The following RPS6KA1 variants were observed in gnomAD, a reference collection of about 807,000 sequenced individuals.
RPS6KA1 encodes the protein ribosomal protein S6 kinase A1.
Under a neutral mutation model 91.3 loss-of-function variants are expected in RPS6KA1, and 48 were observed. The ratio of observed to expected loss-of-function variants is 0.53; its 90% confidence interval spans 0.42 to 0.67. RPS6KA1 has a LOEUF of 0.67. Among genes scored for constraint, RPS6KA1 ranks in the 30% least tolerant of loss-of-function variants. The probability of loss-of-function intolerance (pLI) is 0.00; values close to 1 mark genes in which losing one functional copy is unlikely to be tolerated. For synonymous variants in RPS6KA1, 359 were observed against 384.7 expected (o/e 0.93, Z 0.78); for missense variants, 719 against 960.5 (o/e 0.75, Z 3.32).
chr1:26,545,974 C>T (rs966854408), intron 2 of RPS6KA1: 1 of 1,608,134 alleles, frequency 6.2e-7, no homozygotes, highest in Non-Finnish European at 8.5e-7. Context: ...AAGCAGCGGC[C>T]CAGGATCAGC....
chr1:26,560,762 T>C lies in RPS6KA1; in HGVS notation c.1252T>C (p.Tyr418His). 6.2e-7 allele frequency: 1 copy of C among 1,614,236 alleles called. No homozygotes were observed. Among genetic ancestry groups the C allele is most frequent in the Non-Finnish European group, 8.5e-7 (1 of 1,180,036 alleles). Residue 418 changes from tyrosine (Y) to histidine (H), a missense_variant, in exon 15 of 22, where the codon TAC becomes CAC. Coordinates refer to ENST00000374168, the MANE Select transcript of RPS6KA1 (RefSeq NM_002953.4). The part of the protein sequence containing the change: ...HGKNLVFSDG[Y>H]VVKETIGVGS... ...GAAGAACCTGGTTTTTAGTGACGGC[T>C]ACGTGGTAAAGGAGACAATTGGTGT...
At chr1:26,553,720 T>A in intron 7 of RPS6KA1, 1 of 317,428 alleles carries the variant, frequency 3.2e-6, no homozygotes, top group Admixed American at 4.7e-5. Flanking sequence ...GTTGCCCGTC[T>A]TTTTTTGCTA....
At chr1:26,568,809 G>A (rs1223738637) in intron 17 of RPS6KA1, among the ~76,000 whole-genome samples, 1 of 152,182 alleles carries the variant, frequency 6.6e-6, no homozygotes, top group Non-Finnish European at 1.5e-5. Context: ...TCCCAGTAGT[G>A]TCATGTGTGC....
Position 26,555,261 on chromosome 1 carries a change from A to C in RPS6KA1, c.827+40A>C. Reference sequence around the variant, plus strand: ...TGCCCTGATAACAATGGACTCCTCCAAGCCCCAGCCCCAGTTTGGGGGTCA... The same window carrying C: ...TGCCCTGATAACAATGGACTCCTCCCAGCCCCAGCCCCAGTTTGGGGGTCA... On this transcript the variant is annotated intron_variant, in intron 10 of 21. Coordinates refer to ENST00000374168, the MANE Select transcript of RPS6KA1 (RefSeq NM_002953.4). The surrounding 1 kb of genome is among the most constrained non-coding windows in gnomAD (Gnocchi z 4.3). 6.3e-7 allele frequency: 1 copy of C among 1,597,418 alleles called. No homozygotes were observed. The highest frequency in any genetic ancestry group is 8.6e-7 in the Non-Finnish European group (1 of 1,165,170).
chr1:26,551,317 A>C lies in RPS6KA1; in HGVS notation c.308-80A>C. On this transcript the variant is annotated intron_variant, in intron 4 of 21. Transcript: ENST00000374168. This position sits in a 1 kb window ranked among gnomAD's most constrained non-coding sequence, Gnocchi z 4.5. ...CTCAGGCCTGGAGGAACAAGTGGAA[A>C]AGAGATCCCTTAGCGGGGGCTTGGG... 1 of 1,278,322 alleles carries C rather than the reference A, an allele frequency of 7.8e-7. No homozygotes were observed. The highest frequency in any genetic ancestry group is 1.1e-6 in the Non-Finnish European group (1 of 881,436). 79.2% of individuals were successfully genotyped at this position (1,278,322 alleles called of 1,614,324 possible). A position where few individuals can be genotyped will look rare whatever the true frequency, so the allele number is the denominator to read the frequency against.
rs1213519138 is a variant in RPS6KA1, at chr1:26,540,366, C to T, written c.108+3397C>T. 6.6e-6 allele frequency among the ~76,000 whole-genome samples: 1 copy of T among 152,214 alleles called. No individual in the cohort carries two copies. The highest frequency in any genetic ancestry group is 1.5e-5 in the Non-Finnish European group (1 of 68,046). ...TGACTTCCCACTCTACCCTCCTGGC[C>T]TTAAGCCCCTTGGTCACACAGGTCT... On this transcript the variant is annotated intron_variant, in intron 2 of 21. Coordinates refer to ENST00000374168, the MANE Select transcript of RPS6KA1 (RefSeq NM_002953.4). This position sits in a 1 kb window ranked among gnomAD's most constrained non-coding sequence, Gnocchi z 4.2.
At chr1:26,538,198 C>T (rs945659915) in intron 2 of RPS6KA1, among the ~76,000 whole-genome samples, 1 of 152,138 alleles carries the variant, frequency 6.6e-6, no homozygotes, top group African/African-American at 2.4e-5. Flanking sequence ...GTGGACTGGG[C>T]CCCTTGGTTT....
intron 17 of RPS6KA1, among the ~76,000 whole-genome samples, chr1:26,568,862 G>C (rs1434122142): frequency 6.6e-6 from 1 of 152,062 alleles, no homozygotes; most frequent in Non-Finnish European, 1.5e-5. Flanking sequence ...TCAGAACTGG[G>C]TTCTGGTCTT....
Position 26,551,868 on chromosome 1 carries a change from A to T in RPS6KA1, c.468+145A>T. 1.4e-6 allele frequency: 1 copy of T among 694,752 alleles called. No individual in the cohort carries two copies. Among genetic ancestry groups the T allele is most frequent in the Non-Finnish European group, 2.5e-6 (1 of 393,458 alleles). The allele number at this position is 694,752 out of a possible 1,614,324, so 43.0% of individuals were successfully genotyped here. ...CTGCCTAGCAGCCCCTGGCCCAGGA[A>T]ATACCACGCACCCTGGAATGGAGGC... On this transcript the variant is annotated intron_variant, in intron 6 of 21. Transcript: ENST00000374168. The surrounding 1 kb of genome is among the most constrained non-coding windows in gnomAD (Gnocchi z 4.5).
chr1:26,548,322 G>A (rs750561452), intron 4 of RPS6KA1, among the ~76,000 whole-genome samples: 17 of 151,934 alleles, frequency 1.1e-4, no homozygotes, highest in Admixed American at 7.2e-4. Context: ...GATATCCGAC[G>A]CGCTGGGGAG....
rs371410357 is a variant in RPS6KA1, at chr1:26,539,292, G to C, written c.108+2323G>C. On this transcript the variant is annotated intron_variant, in intron 2 of 21. Transcript: ENST00000374168. ...CATGGTCATTGCCGTGCATGGCCGA[G>C]GAAGAAGAGTTGGGGTGGGCTCTAG... Among the ~76,000 whole-genome samples, 193 of 152,334 alleles carry C rather than the reference G, an allele frequency of 1.3e-3. 2 individuals are homozygous for C. Among genetic ancestry groups the C allele is most frequent in the African/African-American group, 4.4e-3 (185 of 41,586 alleles).
chr1:26,573,199 A>G, intron 20 of RPS6KA1, 25 bp from the exon 21 acceptor site: 3 of 1,611,688 alleles, frequency 1.9e-6, no homozygotes, highest in Non-Finnish European at 1.7e-6. Context: ...CCCTCCCCCA[A>G]CCCCCTTGCC....
At position 26,558,680 on chromosome 1, in the gene RPS6KA1, C is replaced by T. The variant is rs1399726491; in HGVS notation, c.1085-127C>T. The T allele has an allele frequency of 3.6e-6, 4 of 1,118,184 alleles. No homozygotes were observed. The Admixed American group carries it at 6.8e-5, about 19-fold the overall frequency. The allele number at this position is 1,118,184 out of a possible 1,614,324, so 69.3% of individuals were successfully genotyped here. On this transcript the variant is annotated intron_variant, in intron 13 of 21. Transcript: ENST00000374168. This position sits in a 1 kb window ranked among gnomAD's most constrained non-coding sequence, Gnocchi z 4.0. ...CCAAGGCCTGTGATGGACAGGCCCT[C>T]TGCAGGCTCCCGCCACGGCCAGCCC... is the stretch of plus-strand genomic sequence containing the variant.
At chr1:26,530,406 C>T (rs1257023346) in intron 1 of RPS6KA1, among the ~76,000 whole-genome samples, 1 of 152,200 alleles carries the variant, frequency 6.6e-6, no homozygotes, top group African/African-American at 2.4e-5. Flanking sequence ...GAGCTCCCTG[C>T]TTCTGGCTTC....
In RPS6KA1 at chr1:26,551,680, A is replaced by G; in HGVS notation, c.425A>G (p.Asp142Gly). 2 of 1,614,070 alleles carry G rather than the reference A, an allele frequency of 1.2e-6. No homozygotes were observed. The highest frequency in any genetic ancestry group is 1.7e-6 in the Non-Finnish European group (2 of 1,180,000). The change falls in exon 6 of 22, where the codon GAC becomes GGC. Residue 142 changes from aspartate (D) to glycine (G), a missense_variant. By Grantham distance (94) the Asp-to-Gly change is moderately conservative. This residue lies in a region of RPS6KA1 where 159 missense variants were observed against 264.5 expected (regional missense o/e 0.60). Coordinates refer to ENST00000374168, the MANE Select transcript of RPS6KA1 (RefSeq NM_002953.4). This position sits in a 1 kb window ranked among gnomAD's most constrained non-coding sequence, Gnocchi z 4.5. ...GAGGGCAAGCTCTATCTCATTCTGG[A>G]CTTCCTGCGTGGTGGGGACCTCTTC... ...QTEGKLYLIL[D>G]FLRGGDLFTR... is the part of the protein sequence containing the mutation.
chr1:26,567,797 C>G (rs938086224), intron 17 of RPS6KA1, among the ~76,000 whole-genome samples: 1 of 152,140 alleles, frequency 6.6e-6, no homozygotes, highest in East Asian at 1.9e-4. Context: ...AAGCCCTTTG[C>G]TAAATATTCC....
In RPS6KA1 at chr1:26,561,374, C is replaced by A; in HGVS notation, c.1432-131C>A. On this transcript the variant is annotated intron_variant, in intron 16 of 21. Coordinates refer to ENST00000374168, the MANE Select transcript of RPS6KA1 (RefSeq NM_002953.4). The surrounding 1 kb of genome is among the most constrained non-coding windows in gnomAD (Gnocchi z 5.7). ...GTCAGCATCCTCCTTTTGGGGAAGG[C>A]AGGACCACTGAAGAGCAAGCAGAAC... is the stretch of plus-strand genomic sequence containing the variant. 1 of 1,201,590 alleles carries A rather than the reference C, an allele frequency of 8.3e-7. No homozygotes were observed. The highest frequency in any genetic ancestry group is 1.2e-6 in the Non-Finnish European group (1 of 832,574). 74.4% of individuals were successfully genotyped at this position (1,201,590 alleles called of 1,614,324 possible). A position where few individuals can be genotyped will look rare whatever the true frequency, so the allele number is the denominator to read the frequency against.
At chr1:26,544,753 C>T (rs1020401964) in intron 2 of RPS6KA1, among the ~76,000 whole-genome samples, 2 of 150,954 alleles carry the variant, frequency 1.3e-5, no homozygotes, top group African/African-American at 2.4e-5. Flanking sequence ...GGATTACAGG[C>T]GTGAGCCACC....
chr1:26,547,129 G>T lies in RPS6KA1; in HGVS notation c.226-60G>T. On this transcript the variant is annotated intron_variant, in intron 3 of 21. Transcript: ENST00000374168. This position sits in a 1 kb window ranked among gnomAD's most constrained non-coding sequence, Gnocchi z 4.1. ...CAGCTTGGGGCTCAGAGAAGATAGA[G>T]GTCAGCCTGGACTCAGACCTCTCCC... The T allele has an allele frequency of 6.3e-7, 1 of 1,580,846 alleles. No homozygotes were observed. Among genetic ancestry groups the T allele is most frequent in the Non-Finnish European group, 8.7e-7 (1 of 1,150,408 alleles).
Sources: gnomAD v4.1 joint callset for allele counts (sites outside exome capture counted in the v4.1 genomes callset) on GRCh38, gnomAD v4.1.1 for gene constraint, gnomAD v4.1.1 regional missense constraint, Gnocchi (gnomAD v3.1) non-coding constraint, MANE v1.5 for transcripts, NCBI Gene and HGNC (gene_info 2026-07-23, HGNC 2026-07-21) for gene names.